Variants in MACF1 observed in about 807,000 individuals in gnomAD.
The protein encoded by MACF1 is microtubule actin crosslinking factor 1.
MACF1 carries 193 observed loss-of-function variants against 854.8 expected under a neutral mutation model. The observed-to-expected ratio is 0.23, with a 90% CI of 0.20 to 0.25. The LOEUF (loss-of-function observed/expected upper bound fraction) is 0.25, where lower values mean the gene tolerates loss of function less well. Among genes scored for constraint, MACF1 ranks in the 10% least tolerant of loss-of-function variants. The probability of loss-of-function intolerance (pLI) is 1.00; values close to 1 mark genes in which losing one functional copy is unlikely to be tolerated. For missense variants in MACF1, 7,722 were observed against 8,929.1 expected, an observed-to-expected ratio of 0.86 and a Z score of 5.45; for synonymous variants, 3,185 against 3,226.7, an observed-to-expected ratio of 0.99 and a Z score of 0.44.
At chr1:39,143,677 A>C (rs1643397481) in intron 2 of MACF1, among the ~76,000 whole-genome samples, 1 of 152,194 alleles carries the variant, frequency 6.6e-6, no homozygotes. Context: ...GGAAAGATCC[A>C]AGGCTCTGGG....
intron 6 of MACF1, among the ~76,000 whole-genome samples, chr1:39,262,630 C>G (rs975658335): frequency 3.9e-5 from 6 of 152,072 alleles, no homozygotes; most frequent in African/African-American, 1.5e-4. Flanking sequence ...ATTAATTGAC[C>G]TTATAACTTC....
intron 99 of MACF1, among the ~76,000 whole-genome samples, chr1:39,483,753 C>T (rs939175658): frequency 3.3e-5 from 5 of 152,158 alleles, no homozygotes; most frequent in South Asian, 2.1e-4. Flanking sequence ...CAGTCGTGTG[C>T]TTCTCATAGT....
intron 92 of MACF1, among the ~76,000 whole-genome samples, chr1:39,461,401 T>C (rs765342494): frequency 7.2e-5 from 11 of 152,176 alleles, no homozygotes; most frequent in Non-Finnish European, 1.6e-4. Flanking sequence ...ATGGGGAATA[T>C]TACCTTTTTT....
At chr1:39,273,748 G>A (rs1645374967) in intron 6 of MACF1, among the ~76,000 whole-genome samples, 1 of 152,016 alleles carries the variant, frequency 6.6e-6, no homozygotes, top group African/African-American at 2.4e-5. Flanking sequence ...CTGCCACCAT[G>A]CCCGGCTAAT....
chr1:39,386,745 A>G (rs1330152376), intron 57 of MACF1, among the ~76,000 whole-genome samples: 1 of 151,462 alleles, frequency 6.6e-6, no homozygotes, highest in Non-Finnish European at 1.5e-5. Flanking sequence ...TTTTATTTTT[A>G]GTAGAGACGA....
chr1:39,415,181 T>C (rs1321607496), intron 58 of MACF1, among the ~76,000 whole-genome samples: 2 of 152,332 alleles, frequency 1.3e-5, no homozygotes, highest in East Asian at 1.9e-4. Flanking sequence ...ATAATGTTTA[T>C]GAAAAATAGA....
chr1:39,166,085 T>TC (rs1643879253), intron 2 of MACF1, among the ~76,000 whole-genome samples: 2 of 151,632 alleles, frequency 1.3e-5, no homozygotes, highest in South Asian at 2.1e-4. Context: ...TTTTTTTTTT[T>TC]TGAGATGGAG....
intron 2 of MACF1, among the ~76,000 whole-genome samples, chr1:39,178,361 A>G (rs1251404873): frequency 2.0e-5 from 3 of 152,168 alleles, no homozygotes; most frequent in African/African-American, 7.2e-5. Context: ...AAACCTTAAA[A>G]TATAAGAAAT....
At chr1:39,307,254 G>T (rs1353848259) in intron 23 of MACF1, among the ~76,000 whole-genome samples, 8 of 138,662 alleles carry the variant, frequency 5.8e-5, no homozygotes, top group African/African-American at 2.2e-4. Context: ...TAGATGTATA[G>T]TGCCATTTTC....
intron 58 of MACF1, among the ~76,000 whole-genome samples, chr1:39,396,548 G>A (rs540373834): frequency 6.6e-6 from 1 of 152,278 alleles, no homozygotes; most frequent in South Asian, 2.1e-4. Flanking sequence ...TAGTAAACAT[G>A]GTTAAGATAA....
At chr1:39,308,431 C>T (rs1376136185) in intron 23 of MACF1, among the ~76,000 whole-genome samples, 4 of 152,196 alleles carry the variant, frequency 2.6e-5, no homozygotes, top group Admixed American at 6.5e-5. Context: ...ATTAAACTTA[C>T]GGATTTAATG....
In MACF1 at chr1:39,331,686, A is replaced by G. The variant is rs1217117454; in HGVS notation, c.5098A>G (p.Ile1700Val). 1.2e-6 allele frequency: 2 copies of G among 1,614,210 alleles called. No homozygotes were observed. Among genetic ancestry groups the G allele is most frequent in the African/African-American group, 1.3e-5 (1 of 75,056 alleles). ...TTATCTTAGAACATCCAAGAATTTG[A>G]TAGACCCTAACACAGCTGAGAAAAT... ...ESYLRTSKNL[I>V]DPNTAEKIGL... Residue 1700 changes from isoleucine to valine, a missense_variant, in exon 37 of 101, where the codon ATA becomes GTA. This residue lies in a region of MACF1 where 1,531 missense variants were observed against 1,601.6 expected (regional missense o/e 0.96). Coordinates refer to ENST00000564288, the MANE Select transcript of MACF1 (RefSeq NM_001394062.1).
In MACF1 at chr1:39,258,112, A is replaced by C. The variant is rs1645116968; in HGVS notation, c.528+84A>C. The C allele has an allele frequency of 2.8e-6, 3 of 1,056,412 alleles. No individual in the cohort carries two copies. The South Asian group carries it at 3.9e-5, about 14-fold the overall frequency. The allele number at this position is 1,056,412 out of a possible 1,614,324, so 65.4% of individuals were successfully genotyped here. On this transcript the variant is annotated intron_variant, in intron 6 of 100. Transcript: ENST00000564288. ...GCACTGCCTTCCACAGACAGCATTGAGCCTTCCTTCTCTCTATTTGTCAGT... is the reference window on the plus strand; with the variant it reads ...GCACTGCCTTCCACAGACAGCATTGCGCCTTCCTTCTCTCTATTTGTCAGT...
intron 2 of MACF1, among the ~76,000 whole-genome samples, chr1:39,236,801 A>G (rs116689322): frequency 0.023 from 3,500 of 152,160 alleles, 81 homozygotes; most frequent in East Asian, 0.13. Flanking sequence ...AGCTGGAACT[A>G]CAAGCATGTG....
At chr1:39,308,227 C>T (rs542428442) in intron 23 of MACF1, among the ~76,000 whole-genome samples, 1 of 152,172 alleles carries the variant, frequency 6.6e-6, no homozygotes, top group African/African-American at 2.4e-5. Flanking sequence ...ATTTCATTCT[C>T]CTTGTTTTTA....
chr1:39,477,990 C>A (rs1570231865), intron 97 of MACF1, among the ~76,000 whole-genome samples: 1 of 140,834 alleles, frequency 7.1e-6, no homozygotes, highest in Non-Finnish European at 1.5e-5. Context: ...AGAGTTTGCT[C>A]AGAAGTGAAT....
chr1:39,307,612 G>A (rs998117478), intron 23 of MACF1, among the ~76,000 whole-genome samples: 50 of 152,082 alleles, frequency 3.3e-4, no homozygotes, highest in African/African-American at 1.2e-3. Context: ...TCGCTCTGTC[G>A]CCCAGGCTGG....
chr1:39,432,014 A>C (rs1643883501), intron 66 of MACF1, among the ~76,000 whole-genome samples: 1 of 152,176 alleles, frequency 6.6e-6, no homozygotes, highest in Non-Finnish European at 1.5e-5. Flanking sequence ...GGGAGCCCTC[A>C]TGAAACTAAC....
Position 39,186,982 on chromosome 1 carries a change from C to G in MACF1, c.221-44200C>G, listed in dbSNP as rs1644182107. On this transcript the variant is annotated intron_variant, in intron 2 of 93. Transcript: ENST00000361689. ...ATTTCTTTCTCTTTTACTAGTGATT[C>G]TTGATTTTTTTTTTTTTTTGGTTTT... Among the ~76,000 whole-genome samples the G allele has an allele frequency of 3.6e-5, 5 of 138,448 alleles. No homozygotes were observed. The Middle Eastern group carries it at 0.019, about 524-fold the overall frequency. The allele number at this position is 138,448 out of a possible 152,430, so 90.8% of individuals were successfully genotyped here.
Sources: gnomAD v4.1 joint callset for allele counts (sites outside exome capture counted in the v4.1 genomes callset) on GRCh38, gnomAD v4.1.1 for gene constraint, gnomAD v4.1.1 regional missense constraint, MANE v1.5 for transcripts, NCBI Gene and HGNC (gene_info 2026-07-23, HGNC 2026-07-21) for gene names.